FOXJ3: variants seen among roughly 807,000 people sequenced by gnomAD.
The protein encoded by FOXJ3 is forkhead box J3.
In FOXJ3, 22 loss-of-function variants were observed where a neutral mutation model predicts 76.1. The observed-to-expected ratio is 0.29, with a 90% CI of 0.21 to 0.41. The LOEUF (loss-of-function observed/expected upper bound fraction) is 0.41. Among genes scored for constraint, FOXJ3 ranks in the 10% least tolerant of loss-of-function variants. The pLI is 1.00. For missense variants in FOXJ3, 613 were observed against 762.1 expected (o/e 0.80, Z 2.30); for synonymous variants, 269 against 261.2 (o/e 1.03, Z -0.29).
chr1:42,284,930 TTTTA>T (rs1409784663), intron 2 of FOXJ3, among the ~76,000 whole-genome samples: 2 of 152,208 alleles, frequency 1.3e-5, no homozygotes, highest in Non-Finnish European at 2.9e-5. Context: ...AATCTAAAAT[TTTTA>T]TTTAAACTCA....
intron 3 of FOXJ3, among the ~76,000 whole-genome samples, chr1:42,275,864 G>A (rs1219260325): frequency 6.6e-6 from 1 of 152,150 alleles, no homozygotes; most frequent in Admixed American, 6.5e-5. Context: ...GGGCCAGCCT[G>A]TAAGAGCTCC....
chr1:42,291,150 TG>T (rs1341574595), intron 2 of FOXJ3, among the ~76,000 whole-genome samples: 2 of 151,904 alleles, frequency 1.3e-5, no homozygotes, highest in African/African-American at 4.8e-5. Context: ...GACAAGTCAG[TG>T]GGGAAAGGAA....
At chr1:42,286,824 G>C (rs975214882) in intron 2 of FOXJ3, among the ~76,000 whole-genome samples, 1 of 151,770 alleles carries the variant, frequency 6.6e-6, no homozygotes, top group Non-Finnish European at 1.5e-5. Flanking sequence ...AGTAGAGACG[G>C]GGTTTCACCA....
In FOXJ3 at chr1:42,191,713, A is replaced by G. The variant is rs563036967; in HGVS notation, c.941T>C (p.Met314Thr). Residue 314 changes from methionine (M) to threonine (T), a missense_variant, in exon 9 of 13, where the codon ATG becomes ACG. Met to Thr is a moderately conservative substitution (Grantham distance 81). Coordinates refer to ENST00000361346, the MANE Select transcript of FOXJ3 (RefSeq NM_014947.5). Reference sequence around the variant, plus strand: ...CTGGGAAGATTCAGAAGGGATGTTCATCAAACCTAAAAACAAAGCAAGATC... The same window carrying G: ...CTGGGAAGATTCAGAAGGGATGTTCGTCAAACCTAAAAACAAAGCAAGATC... Reference protein sequence around the residue: ...FEQSLSQQGLMNIPSESSQQS... With the variant: ...FEQSLSQQGLTNIPSESSQQS... 3.1e-6 allele frequency: 5 copies of G among 1,608,834 alleles called. No individual in the cohort carries two copies. Among genetic ancestry groups the G allele is most frequent in the Non-Finnish European group, 4.3e-6 (5 of 1,175,568 alleles).
intron 1 of FOXJ3, among the ~76,000 whole-genome samples, chr1:42,327,472 A>G (rs1655906648): frequency 6.6e-6 from 1 of 152,224 alleles, no homozygotes. Context: ...TAATAATTTA[A>G]TAAGCACCCA....
rs138589713 is a variant in FOXJ3, at chr1:42,208,234, A to C, written c.529-2371T>G. Among the ~76,000 whole-genome samples the C allele has an allele frequency of 3.8e-3, 577 of 152,346 alleles. 4 individuals are homozygous for C. Among genetic ancestry groups the C allele is most frequent in the Admixed American group, 8.0e-3 (122 of 15,304 alleles). On this transcript the variant is annotated intron_variant, in intron 5 of 12. Coordinates refer to ENST00000361346, the MANE Select transcript of FOXJ3 (RefSeq NM_014947.5). ...TGGCCACTATGATGACCACTAGAAT[A>C]TATCTGCTACTGATGTCAAGGATCT...
chr1:42,229,381 G>GC (rs1647870484), intron 4 of FOXJ3, among the ~76,000 whole-genome samples: 2 of 152,170 alleles, frequency 1.3e-5, no homozygotes, highest in South Asian at 4.1e-4. Context: ...CAGACACAAA[G>GC]CAAGTACTCA....
intron 12 of FOXJ3, 21 bp from the exon 13 acceptor site, chr1:42,179,846 A>G (rs913977134): frequency 1.3e-6 from 2 of 1,499,458 alleles, no homozygotes; most frequent in Non-Finnish European, 1.9e-6. Flanking sequence ...AGAGGCAATA[A>G]TAGCAGCGAC....
intron 4 of FOXJ3, among the ~76,000 whole-genome samples, chr1:42,263,175 T>C (rs1651191860): frequency 6.6e-6 from 1 of 152,152 alleles, no homozygotes; most frequent in Non-Finnish European, 1.5e-5. Flanking sequence ...ATATTAAAGA[T>C]GAACAAAAGC....
intron 2 of FOXJ3, among the ~76,000 whole-genome samples, chr1:42,305,993 CA>C (rs1286302843): frequency 2.6e-5 from 4 of 152,030 alleles, no homozygotes; most frequent in Non-Finnish European, 4.4e-5. Context: ...ATTTTACCCA[CA>C]AAAATTAAAA....
At chr1:42,257,298 T>G (rs1650669626) in intron 4 of FOXJ3, among the ~76,000 whole-genome samples, 1 of 152,144 alleles carries the variant, frequency 6.6e-6, no homozygotes, top group Non-Finnish European at 1.5e-5. Flanking sequence ...AGAAGTTAAT[T>G]CCAGAAGGAA....
chr1:42,188,677 T>C, intron 11 of FOXJ3, 60 bp downstream of exon 11: 1 of 1,177,268 alleles, frequency 8.5e-7, no homozygotes, highest in Admixed American at 2.5e-5. Context: ...GTTAAGACAG[T>C]TACTAAATTT....
chr1:42,226,542 G>A lies in FOXJ3; in HGVS notation c.528+1341C>T, dbSNP rs114818290. Among the ~76,000 whole-genome samples the A allele has an allele frequency of 7.5e-3, 1,148 of 152,170 alleles. 9 individuals carry two copies. Among genetic ancestry groups the A allele is most frequent in the Non-Finnish European group, 0.012 (834 of 67,968 alleles). On this transcript the variant is annotated intron_variant, in intron 5 of 12. Coordinates refer to ENST00000361346, the MANE Select transcript of FOXJ3 (RefSeq NM_014947.5). ...GAGAATGGCTTGAACACAGGAGGTG[G>A]GGTTGCAGTGAGCTGAGATCATGCC...
chr1:42,293,923 T>C (rs1316595524), intron 2 of FOXJ3, among the ~76,000 whole-genome samples: 4 of 152,240 alleles, frequency 2.6e-5, no homozygotes, highest in African/African-American at 9.6e-5. Flanking sequence ...CAAACACTTA[T>C]CCATCAGGTT....
chr1:42,181,943 AGTGCCTGT>A lies in FOXJ3; in HGVS notation c.1719_1726del (p.Ala575HisfsTer34). ...TGCCATCGTTGTTCCTGGAGTGCTG[AGTGCCTGT>A]GGGATATGAGGATAACCAGGGGGTG... is the stretch of plus-strand genomic sequence containing the variant. On this transcript the variant is annotated frameshift_variant, in exon 12 of 13. Transcript: ENST00000361346. LOFTEE classifies it high-confidence loss of function. 1 of 1,612,298 alleles carries A rather than the reference AGTGCCTGT, an allele frequency of 6.2e-7. No homozygotes were observed. Among genetic ancestry groups the A allele is most frequent in the Admixed American group, 1.7e-5 (1 of 59,926 alleles).
intron 4 of FOXJ3, among the ~76,000 whole-genome samples, chr1:42,251,513 T>C (rs1015839439): frequency 1.3e-5 from 2 of 151,690 alleles, no homozygotes; most frequent in Non-Finnish European, 2.9e-5. Context: ...GCATGAAGAG[T>C]TGTTGAATTT....
chr1:42,196,802 T>A (rs1388111028), intron 7 of FOXJ3, among the ~76,000 whole-genome samples: 20 of 152,244 alleles, frequency 1.3e-4, no homozygotes. Flanking sequence ...CATCTAGTTC[T>A]ATACATGCTT....
intron 2 of FOXJ3, among the ~76,000 whole-genome samples, chr1:42,308,217 A>G (rs1557714783): frequency 6.6e-6 from 1 of 152,218 alleles, no homozygotes; most frequent in Non-Finnish European, 1.5e-5. Context: ...AGATATACAG[A>G]TAGTATATAC....
In FOXJ3 at chr1:42,255,713, A is replaced by G. The variant is rs572810475; in HGVS notation, c.444+9402T>C. Among the ~76,000 whole-genome samples the G allele has an allele frequency of 6.6e-5, 10 of 152,342 alleles. No homozygotes were observed. The South Asian group carries it at 2.1e-3, about 32-fold the overall frequency. On this transcript the variant is annotated intron_variant, in intron 4 of 12. Transcript: ENST00000361346. ...ATTAGTATCAGACAAAGTAGGCTTC[A>G]GGACAAAGAGCATTTTAAGAAATTA...
Sources: allele counts gnomAD v4.1 joint callset (sites outside exome capture counted in the v4.1 genomes callset), GRCh38; gene constraint gnomAD v4.1.1; transcripts MANE v1.5; gene names NCBI Gene and HGNC (gene_info 2026-07-23, HGNC 2026-07-21).